The following GFOD1 variants were observed in gnomAD, a reference collection of about 807,000 sequenced individuals.
The protein encoded by GFOD1 is Gfo/Idh/MocA-like oxidoreductase domain containing 1.
Under a neutral mutation model 25.4 loss-of-function variants are expected in GFOD1, and 9 were observed. The observed-to-expected ratio is 0.35, with a 90% CI of 0.21 to 0.62. The LOEUF (loss-of-function observed/expected upper bound fraction) is 0.62. Ranked by LOEUF, GFOD1 falls within the 20% of genes least tolerant of loss-of-function variation. The pLI, the probability that GFOD1 is intolerant of heterozygous loss-of-function variation, is 0.72. For synonymous variants in GFOD1, 253 were observed against 245.6 expected, an observed-to-expected ratio of 1.03 and a Z score of -0.28; for missense variants, 403 against 556.9, an observed-to-expected ratio of 0.72 and a Z score of 2.78.
chr6:13,371,641 A>G (rs996015133), intron 1 of GFOD1, among the ~76,000 whole-genome samples: 1 of 152,222 alleles, frequency 6.6e-6, no homozygotes. Flanking sequence ...AGTGCCTGAG[A>G]AAGTATGTTT....
At chr6:13,391,721 T>A (rs1022021615) in intron 1 of GFOD1, among the ~76,000 whole-genome samples, 5 of 152,126 alleles carry the variant, frequency 3.3e-5, no homozygotes, top group African/African-American at 1.2e-4. Context: ...CTACCACGTA[T>A]CTGGACAAGT....
At chr6:13,463,501 A>G (rs1758327869) in intron 1 of GFOD1, among the ~76,000 whole-genome samples, 1 of 152,222 alleles carries the variant, frequency 6.6e-6, no homozygotes. Context: ...GGAAACGTCT[A>G]TGGACAGGAC....
Position 13,394,466 on chromosome 6 carries a change from A to ATTTTTTTTTTTTTTTT in GFOD1, c.254-28820_254-28805dup, listed in dbSNP as rs70989855. 5.3e-5 allele frequency among the ~76,000 whole-genome samples: 4 copies of ATTTTTTTTTTTTTTTT among 75,916 alleles called. 1 individual carries two copies. The highest frequency in any genetic ancestry group is 2.2e-4 in the African/African-American group (4 of 18,244). The allele number at this position is 75,916 out of a possible 152,430, so 49.8% of individuals were successfully genotyped here. ...GCATATCTGCTTTTGTACCCTTTGA[A>ATTTTTTTTTTTTTTTT]TTTTTTTTTTTTTTTTTTTTTTTTT... On this transcript the variant is annotated intron_variant, in intron 1 of 1. Transcript: ENST00000379287.
At position 13,424,947 on chromosome 6, in the gene GFOD1, C is replaced by T. The variant is rs55689005; in HGVS notation, c.254-59285G>A. 4.4e-3 allele frequency among the ~76,000 whole-genome samples: 648 copies of T among 146,842 alleles called. 6 individuals are homozygous for T. The highest frequency in any genetic ancestry group is 0.016 in the African/African-American group (615 of 38,554). ...TCTGAGGGCTTTATATATATTAACA[C>T]ATTTAATTCTTTTTTTTTTTTTTTT... is the stretch of plus-strand genomic sequence containing the variant. On this transcript the variant is annotated intron_variant, in intron 1 of 1. Transcript: ENST00000379287.
rs1382595443 is a variant in GFOD1, at chr6:13,363,687, C to A, written c.*1056G>T. ...CTTGCCCAGCTTGGTAGGAGAGATG[C>A]GCGATAGAGCCCCAAACACCTCCTG... On this transcript the variant is annotated 3_prime_UTR_variant, in exon 2 of 2. Transcript: ENST00000379287. 3 of 148,094 alleles carry A rather than the reference C, an allele frequency of 2.0e-5. No homozygotes were observed. The highest frequency in any genetic ancestry group is 4.4e-5 in the Non-Finnish European group (3 of 67,662). 9.2% of individuals were successfully genotyped at this position (148,094 alleles called of 1,614,324 possible).
At chr6:13,470,242 T>C in intron 1 of GFOD1, 1 of 1,596,416 alleles carries the variant, frequency 6.3e-7, no homozygotes, top group Non-Finnish European at 8.6e-7. Context: ...GAAGGGCAAT[T>C]GCCGGCTCAT....
In GFOD1 at chr6:13,487,083, C is replaced by T; in HGVS notation, c.-193G>A. 3.2e-6 allele frequency: 2 copies of T among 630,022 alleles called. No individual in the cohort carries two copies. Among genetic ancestry groups the T allele is most frequent in the Non-Finnish European group, 5.4e-6 (2 of 373,080 alleles). The allele number at this position is 630,022 out of a possible 1,614,324, so 39.0% of individuals were successfully genotyped here. A position where few individuals can be genotyped will look rare whatever the true frequency, so the allele number is the denominator to read the frequency against. On this transcript the variant is annotated 5_prime_UTR_variant, in exon 1 of 2. Transcript: ENST00000379287. This position sits in a 1 kb window ranked among gnomAD's most constrained non-coding sequence, Gnocchi z 4.9. ...TGCAGGCGGAGCAAGCTCGGGGCGC[C>T]TCAGAACGGTGACTGCGGCAGTGTC... is the stretch of plus-strand genomic sequence containing the variant.
chr6:13,431,724 C>G (rs1306383430), intron 1 of GFOD1, among the ~76,000 whole-genome samples: 1 of 152,148 alleles, frequency 6.6e-6, no homozygotes, highest in East Asian at 1.9e-4. Context: ...AATAAAGGAC[C>G]CAGCACCTCA....
chr6:13,426,627 G>A (rs1201114732), intron 1 of GFOD1, among the ~76,000 whole-genome samples: 1 of 152,168 alleles, frequency 6.6e-6, no homozygotes, highest in Non-Finnish European at 1.5e-5. Context: ...CCCGAGGTAG[G>A]TGAGGTCCAG....
intron 1 of GFOD1, among the ~76,000 whole-genome samples, chr6:13,473,014 G>T (rs914962568): frequency 6.6e-6 from 1 of 152,158 alleles, no homozygotes; most frequent in Non-Finnish European, 1.5e-5. Flanking sequence ...AATGCTGACA[G>T]GTGAGAAAGG....
chr6:13,370,723 G>GTGTGTA (rs1383278840), intron 1 of GFOD1, among the ~76,000 whole-genome samples: 1 of 113,036 alleles, frequency 8.8e-6, no homozygotes, highest in African/African-American at 3.2e-5. Flanking sequence ...GTGTGTGTGT[G>GTGTGTA]TGTATGTATG....
intron 1 of GFOD1, among the ~76,000 whole-genome samples, chr6:13,473,770 C>T (rs1758557498): frequency 6.6e-6 from 1 of 152,120 alleles, no homozygotes; most frequent in African/African-American, 2.4e-5. Flanking sequence ...GACCAACCCA[C>T]CTTTTCCAAG....
chr6:13,393,935 C>T (rs192550670), intron 1 of GFOD1, among the ~76,000 whole-genome samples: 8 of 152,042 alleles, frequency 5.3e-5, no homozygotes, highest in Non-Finnish European at 8.8e-5. Flanking sequence ...CCCACCACCA[C>T]GCCCGGCTAA....
chr6:13,377,907 G>A (rs1785286161), intron 1 of GFOD1, among the ~76,000 whole-genome samples: 1 of 152,152 alleles, frequency 6.6e-6, no homozygotes, highest in Non-Finnish European at 1.5e-5. Context: ...GTGCTCTAGG[G>A]TTTTTAAGAT....
intron 1 of GFOD1, among the ~76,000 whole-genome samples, chr6:13,464,352 C>T (rs1445712596): frequency 6.6e-6 from 1 of 152,232 alleles, no homozygotes. Context: ...AGCATCCATG[C>T]TACGGGTTGT....
At chr6:13,381,917 A>ATG (rs2127558777) in intron 1 of GFOD1, among the ~76,000 whole-genome samples, 1 of 31,364 alleles carries the variant, frequency 3.2e-5, no homozygotes, top group Non-Finnish European at 6.7e-5. Context: ...GCGCGCGCGC[A>ATG]CACACACACA....
intron 1 of GFOD1, among the ~76,000 whole-genome samples, chr6:13,479,706 C>CA (rs56794019): frequency 3.3e-5 from 5 of 152,328 alleles, no homozygotes; most frequent in East Asian, 3.9e-4. Flanking sequence ...ATATCCTCAA[C>CA]AAAATAATCG....
chr6:13,425,950 G>A (rs528084166), intron 1 of GFOD1, among the ~76,000 whole-genome samples: 3 of 152,070 alleles, frequency 2.0e-5, no homozygotes, highest in African/African-American at 7.2e-5. Flanking sequence ...GAAAGTTTAC[G>A]AATTTGTGTT....
At chr6:13,405,570 T>C (rs1013532024) in intron 1 of GFOD1, among the ~76,000 whole-genome samples, 3 of 152,122 alleles carry the variant, frequency 2.0e-5, no homozygotes, top group Non-Finnish European at 2.9e-5. Context: ...TTATAAATCA[T>C]CCAATATGAG....
Sources: allele counts gnomAD v4.1 joint callset (sites outside exome capture counted in the v4.1 genomes callset), GRCh38; gene constraint gnomAD v4.1.1; non-coding constraint Gnocchi (gnomAD v3.1); transcripts MANE v1.5; gene names NCBI Gene and HGNC (gene_info 2026-07-23, HGNC 2026-07-21).